The following ZNF345 variants were observed in gnomAD, a reference collection of about 807,000 sequenced individuals.
ZNF345 encodes the protein zinc finger protein 345.
For synonymous variants in ZNF345, 166 were observed against 187.9 expected (o/e 0.88, Z 0.95); for missense variants, 527 against 589.9 (o/e 0.89, Z 1.10).
chr19:36,857,866 C>T (rs1017230853), intron 2 of ZNF345, among the ~76,000 whole-genome samples: 4 of 152,194 alleles, frequency 2.6e-5, no homozygotes, highest in South Asian at 4.1e-4. Flanking sequence ...GCAACCTCCA[C>T]TTCCTGGGTT....
intron 3 of ZNF345, chr19:36,891,861 C>A: frequency 6.2e-7 from 1 of 1,613,760 alleles, no homozygotes; most frequent in Non-Finnish European, 8.5e-7. Flanking sequence ...GCTGAATAAG[C>A]CTTGAGTGTT....
At chr19:36,860,659 T>C (rs553981) in intron 2 of ZNF345, among the ~76,000 whole-genome samples, 35,491 of 152,128 alleles carry the variant, frequency 0.23, 5,892 homozygotes, top group African/African-American at 0.47. Flanking sequence ...AAAGGTAATA[T>C]TGTATCCTTC....
rs1332771907 is a variant in ZNF345 at position 36,887,575 on chromosome 19, C to T, written c.47-5243C>T. On this transcript the variant is annotated intron_variant, in intron 3 of 3. Transcript: ENST00000526123. ...AGTATTCAAATTATTTATAAATAGTCATTCCTGTGTATCCACAGAGCCGGA... is the reference window on the plus strand; with the variant it reads ...AGTATTCAAATTATTTATAAATAGTTATTCCTGTGTATCCACAGAGCCGGA... 2.6e-5 allele frequency among the ~76,000 whole-genome samples: 4 copies of T among 152,070 alleles called. No individual in the cohort carries two copies. The East Asian group carries it at 7.7e-4, about 29-fold the overall frequency.
chr19:36,857,119 A>G (rs2072435998), intron 2 of ZNF345, among the ~76,000 whole-genome samples: 1 of 152,022 alleles, frequency 6.6e-6, no homozygotes, highest in South Asian at 2.1e-4. Flanking sequence ...TATCTTTATC[A>G]CGAATTGTAA....
At chr19:36,882,031 G>T, downstream of ZNF345, among the ~76,000 whole-genome samples, 1 of 148,006 alleles carries the variant, frequency 6.8e-6, no homozygotes. Context: ...TGATTTGAAG[G>T]AGTCCCATTC....
downstream of ZNF345, among the ~76,000 whole-genome samples, chr19:36,883,092 G>C (rs578186028): frequency 6.6e-6 from 1 of 152,246 alleles, no homozygotes; most frequent in Admixed American, 6.5e-5. Context: ...TGTTGTGTCA[G>C]CTTGTTCTAG....
intron 2 of ZNF345, among the ~76,000 whole-genome samples, chr19:36,857,167 G>T (rs1007004123): frequency 1.3e-5 from 2 of 151,820 alleles, no homozygotes; most frequent in Non-Finnish European, 2.9e-5. Flanking sequence ...CTTTTTTGTT[G>T]AATATAGTTT....
In ZNF345 at chr19:36,868,002, C is replaced by CTTTT. The variant is rs569167997; in HGVS notation, c.-46-8768_-46-8765dup. Among the ~76,000 whole-genome samples, 724 of 127,024 alleles carry CTTTT rather than the reference C, an allele frequency of 5.7e-3. 13 individuals carry two copies. The highest frequency in any genetic ancestry group is 0.02 in the African/African-American group (692 of 34,312). 83.3% of individuals were successfully genotyped at this position (127,024 alleles called of 152,430 possible). On this transcript the variant is annotated intron_variant, in intron 2 of 2. Coordinates refer to ENST00000420450, the MANE Select transcript of ZNF345 (RefSeq NM_001242472.2). ...AGTTCCATATGGATATGAGGAGTGGCTTTTTTTTTTTTTTTTTTGAGTCAG... is the reference window on the plus strand; with the variant it reads ...AGTTCCATATGGATATGAGGAGTGGCTTTTTTTTTTTTTTTTTTTTTTGAGTCAG...
At chr19:36,868,343 C>T (rs554289141) in intron 2 of ZNF345, among the ~76,000 whole-genome samples, 1 of 152,082 alleles carries the variant, frequency 6.6e-6, no homozygotes, top group Admixed American at 6.5e-5. Context: ...ATCCAGTTGT[C>T]TCAATACCAT....
intron 2 of ZNF345, among the ~76,000 whole-genome samples, chr19:36,855,741 C>T (rs988993911): frequency 3.1e-5 from 3 of 98,260 alleles, no homozygotes; most frequent in Non-Finnish European, 6.0e-5. Context: ...CGTGAGCCAC[C>T]GCACCCGGCC....
At chr19:36,867,136 G>A (rs966290972) in intron 2 of ZNF345, among the ~76,000 whole-genome samples, 4 of 152,096 alleles carry the variant, frequency 2.6e-5, no homozygotes, top group East Asian at 1.9e-4. Context: ...ATTTGCCGCC[G>A]CCTTTGCCAC....
chr19:36,876,746 C>G, intron 2 of ZNF345, 39 bp from the exon 3 acceptor site: 1 of 1,361,998 alleles, frequency 7.3e-7, no homozygotes, highest in Non-Finnish European at 1.0e-6. Context: ...TCTCCCAGAA[C>G]ACAAAAAAGT....
rs777035961 is a variant in ZNF345 at position 36,877,993 on chromosome 19, A to G, written c.1163A>G (p.His388Arg). 6.2e-7 allele frequency: 1 copy of G among 1,614,048 alleles called. No homozygotes were observed. Among genetic ancestry groups the G allele is most frequent in the East Asian group, 2.2e-5 (1 of 44,856 alleles). Residue 388 changes from histidine to arginine, a missense_variant, in exon 3 of 3, where the codon CAC (histidine) becomes CGC (arginine). By Grantham distance (29) the His-to-Arg change is conservative. Transcript: ENST00000420450. Reference sequence around the variant, plus strand: ...GGTAGTGGCTCAAAACTTATCCAACACCAGCTAATCCATACTGGTGAAAGA... The same window carrying G: ...GGTAGTGGCTCAAAACTTATCCAACGCCAGCTAATCCATACTGGTGAAAGA... ...AFGSGSKLIQHQLIHTGERPY... is the reference protein window; with the variant it reads ...AFGSGSKLIQRQLIHTGERPY...
chr19:36,881,853 T>C (rs992713250), downstream of ZNF345, among the ~76,000 whole-genome samples: 5 of 152,162 alleles, frequency 3.3e-5, no homozygotes, highest in Non-Finnish European at 4.4e-5. Flanking sequence ...AAAAGTGCAT[T>C]TTAGAACTGA....
intron 2 of ZNF345, among the ~76,000 whole-genome samples, chr19:36,852,406 A>T (rs1344145923): frequency 2.6e-5 from 4 of 151,818 alleles, no homozygotes; most frequent in Non-Finnish European, 1.5e-5. Flanking sequence ...AGGTCAAGAG[A>T]TCAAGATCAT....
chr19:36,872,027 A>G (rs755958875), intron 2 of ZNF345, among the ~76,000 whole-genome samples: 3 of 152,116 alleles, frequency 2.0e-5, no homozygotes, highest in Non-Finnish European at 4.4e-5. Flanking sequence ...TTGGCCTCCC[A>G]AAGTGCTGGG....
At chr19:36,873,689 CTTT>C (rs34362517) in intron 2 of ZNF345, among the ~76,000 whole-genome samples, 4 of 142,690 alleles carry the variant, frequency 2.8e-5, no homozygotes, top group African/African-American at 2.6e-5. Flanking sequence ...TATTTCTGTA[CTTT>C]TTTTTTTTTT....
At chr19:36,882,713 T>C (rs188735834), downstream of ZNF345, among the ~76,000 whole-genome samples, 146 of 152,360 alleles carry the variant, frequency 9.6e-4, no homozygotes, top group Non-Finnish European at 1.7e-3. Flanking sequence ...TATGAACTTA[T>C]AATGTGTGTG....
chr19:36,891,878 A>T (rs1343771471), intron 3 of ZNF345: 1 of 1,613,922 alleles, frequency 6.2e-7, no homozygotes, highest in Non-Finnish European at 8.5e-7. Flanking sequence ...TGTTGAGTAA[A>T]GGCTTTCCCA....
Sources: allele counts gnomAD v4.1 joint callset (sites outside exome capture counted in the v4.1 genomes callset), GRCh38; gene constraint gnomAD v4.1.1; transcripts MANE v1.5; gene names NCBI Gene and HGNC (gene_info 2026-07-23, HGNC 2026-07-21).